The following PPP2R5A variants were observed in gnomAD, a reference collection of about 807,000 sequenced individuals.
PPP2R5A encodes the protein serine/threonine-protein phosphatase 2A 56 kDa regulatory subunit alpha isoform.
A neutral mutation model predicts 64.2 loss-of-function variants in PPP2R5A; 25 were observed. The ratio of observed to expected loss-of-function variants is 0.39; its 90% CI spans 0.28 to 0.54. PPP2R5A has a LOEUF of 0.54. PPP2R5A is among the 20% of genes least tolerant of loss of function. PPP2R5A has a pLI of 0.67. For synonymous variants in PPP2R5A, 198 were observed against 201.2 expected, an observed-to-expected ratio of 0.98 and a Z score of 0.13; for missense variants, 425 against 576.3, an observed-to-expected ratio of 0.74 and a Z score of 2.69.
At chr1:212,329,423 ATAAT>A (rs1214412071) in intron 2 of PPP2R5A, 92 bp downstream of exon 2, 2 of 1,113,566 alleles carry the variant, frequency 1.8e-6, no homozygotes, top group Non-Finnish European at 2.5e-6. Context: ...TAAATGTACA[ATAAT>A]TAATACATCC....
chr1:212,309,539 A>G lies in PPP2R5A; in HGVS notation c.182-19596A>G. The G allele has an allele frequency of 6.8e-6, 5 of 738,844 alleles. No homozygotes were observed. In the South Asian group the frequency reaches 7.2e-5, roughly 11 times the overall value. 45.8% of individuals were successfully genotyped at this position (738,844 alleles called of 1,614,324 possible). A position where few individuals can be genotyped will look rare whatever the true frequency, so the allele number is the denominator to read the frequency against. ...GCCATCTTGTGAAAAGCCCTTCTTT[A>G]CTTCTTTAATCATAGTTTAGTTCTT... On this transcript the variant is annotated intron_variant, in intron 1 of 12. Coordinates refer to ENST00000261461, the MANE Select transcript of PPP2R5A (RefSeq NM_006243.4).
chr1:212,349,236 A>AGTT lies in PPP2R5A; in HGVS notation c.922_923insTTG (p.Thr307_Glu308insVal). On this transcript the variant is annotated inframe_insertion, in exon 8 of 13. Transcript: ENST00000261461. ...TCCTGGAGAAAGATACAACACTAAC[A>AGTT]GAGCCAGTAAGTGTTCTATTTATTT... 1 of 1,568,344 alleles carries AGTT rather than the reference A, an allele frequency of 6.4e-7. No individual in the cohort carries two copies. The highest frequency in any genetic ancestry group is 8.7e-7 in the Non-Finnish European group (1 of 1,147,948).
intron 1 of PPP2R5A, among the ~76,000 whole-genome samples, chr1:212,328,259 A>C (rs1659441218): frequency 6.6e-6 from 1 of 152,228 alleles, no homozygotes; most frequent in Non-Finnish European, 1.5e-5. Context: ...CAGTACCATA[A>C]GGAAAGCTTC....
At chr1:212,291,120 T>A (rs1004416203) in intron 1 of PPP2R5A, among the ~76,000 whole-genome samples, 56 of 151,014 alleles carry the variant, frequency 3.7e-4, no homozygotes, top group Non-Finnish European at 5.9e-4. Context: ...TTTTATTTTA[T>A]TTTTTTTCAG....
intron 9 of PPP2R5A, 55 bp from the exon 10 acceptor site, chr1:212,356,895 A>C (rs771896299): frequency 3.4e-5 from 48 of 1,408,088 alleles, no homozygotes; most frequent in Non-Finnish European, 4.5e-5. Flanking sequence ...TATGGTTTCT[A>C]TATTAGTTTC....
At chr1:212,348,633 T>C (rs530565278) in intron 7 of PPP2R5A, 136 bp downstream of exon 7, 1 of 639,320 alleles carries the variant, frequency 1.6e-6, no homozygotes, top group African/African-American at 1.9e-5. Context: ...CCAAAGCAAA[T>C]TTTTCTTATT....
chr1:212,321,847 T>TG (rs1326176909), intron 1 of PPP2R5A, among the ~76,000 whole-genome samples: 1 of 147,972 alleles, frequency 6.8e-6, no homozygotes, highest in Admixed American at 6.7e-5. Flanking sequence ...AGCTGGGAGG[T>TG]GGAGGTTGTA....
In PPP2R5A at chr1:212,345,888, G is replaced by T. The variant is rs1659767649; in HGVS notation, c.659G>T (p.Gly220Val). Reference sequence around the variant, plus strand: ...CACCGAATTTATGGGAAATTTCTTGGATTAAGAGCATTCATCAGAAAACAA... The same window carrying T: ...CACCGAATTTATGGGAAATTTCTTGTATTAAGAGCATTCATCAGAAAACAA... ...VLHRIYGKFL[G>V]LRAFIRKQIN... Residue 220 changes from glycine (G) to valine (V), a missense_variant, in exon 5 of 13, where the codon GGA becomes GTA. By Grantham distance (109) the Gly-to-Val change is moderately radical. Around this residue, in one of 4 missense-constraint regions of PPP2R5A, gnomAD observed 140 missense variants for 204.4 expected, o/e 0.68. Transcript: ENST00000261461. 6.2e-7 allele frequency: 1 copy of T among 1,610,384 alleles called. No individual in the cohort carries two copies.
intron 1 of PPP2R5A, among the ~76,000 whole-genome samples, chr1:212,315,440 T>C (rs1248536512): frequency 1.3e-5 from 2 of 152,232 alleles, no homozygotes; most frequent in African/African-American, 4.8e-5. Context: ...CACAGAGTTA[T>C]AACACCCAAA....
Position 212,360,654 on chromosome 1 carries a change from T to C in PPP2R5A, c.1345T>C (p.Leu449=), listed in dbSNP as rs754006569. 12 of 1,570,532 alleles carry C rather than the reference T, an allele frequency of 7.6e-6. No individual in the cohort carries two copies. Among genetic ancestry groups the C allele is most frequent in the South Asian group, 1.2e-5 (1 of 84,232 alleles). The change falls in exon 13 of 13, where the codon TTG becomes CTG. Residue 449 remains leucine, a synonymous_variant. Transcript: ENST00000261461. ...AERQREKKKE[L]EREELWKKLE... ...TATCTACAGAGAGAAAAAGAAGGAATTGGAACGTGAAGAATTATGGAAAAA... is the reference window on the plus strand; with the variant it reads ...TATCTACAGAGAGAAAAAGAAGGAACTGGAACGTGAAGAATTATGGAAAAA...
chr1:212,309,198 G>A, intron 1 of PPP2R5A: 6 of 1,372,066 alleles, frequency 4.4e-6, no homozygotes, highest in Non-Finnish European at 6.2e-6. Context: ...GTTTAATCTG[G>A]TGCTTGTTGG....
intron 5 of PPP2R5A, 82 bp downstream of exon 5, chr1:212,346,015 T>G (rs894559835): frequency 1.2e-5 from 17 of 1,377,674 alleles, no homozygotes; most frequent in Non-Finnish European, 1.6e-5. Flanking sequence ...TTTATTTGTT[T>G]TTTTGAGACA....
At chr1:212,288,832 A>G (rs1658551000) in intron 1 of PPP2R5A, among the ~76,000 whole-genome samples, 1 of 150,102 alleles carries the variant, frequency 6.7e-6, no homozygotes, top group Non-Finnish European at 1.5e-5. Context: ...ATATCCATGG[A>G]CTCCAAGATC....
intron 1 of PPP2R5A, among the ~76,000 whole-genome samples, chr1:212,310,076 G>A (rs553615632): frequency 6.9e-4 from 105 of 152,260 alleles, no homozygotes; most frequent in South Asian, 1.2e-3. Flanking sequence ...GGATGACAGT[G>A]GTTTTGGCAG....
At chr1:212,324,002 G>A (rs1659362407) in intron 1 of PPP2R5A, among the ~76,000 whole-genome samples, 1 of 151,918 alleles carries the variant, frequency 6.6e-6, no homozygotes. Flanking sequence ...AACCTGGGAG[G>A]CGGAGTTTGC....
At chr1:212,300,924 C>T (rs1297258892) in intron 1 of PPP2R5A, among the ~76,000 whole-genome samples, 1 of 151,984 alleles carries the variant, frequency 6.6e-6, no homozygotes, top group Non-Finnish European at 1.5e-5. Flanking sequence ...TGGATTTCCC[C>T]ACCACCACCA....
chr1:212,321,330 A>G (rs1436905173), intron 1 of PPP2R5A, among the ~76,000 whole-genome samples: 15 of 117,918 alleles, frequency 1.3e-4, no homozygotes, highest in South Asian at 5.8e-4. Flanking sequence ...TGACCCCCCC[A>G]CCTCCCTTCC....
intron 7 of PPP2R5A, 22 bp downstream of exon 7, chr1:212,348,519 G>T: frequency 6.9e-7 from 1 of 1,448,614 alleles, no homozygotes; most frequent in Non-Finnish European, 9.6e-7. Flanking sequence ...AAACATTTCA[G>T]ATGAAATGAA....
In PPP2R5A at chr1:212,285,990, TG is replaced by T. The variant is rs1366240146; in HGVS notation, c.-117del. The T allele has an allele frequency of 9.4e-7, 1 of 1,069,366 alleles. No homozygotes were observed. The highest frequency in any genetic ancestry group is 1.2e-6 in the Non-Finnish European group (1 of 815,912). The allele number at this position is 1,069,366 out of a possible 1,614,324, so 66.2% of individuals were successfully genotyped here. A position where few individuals can be genotyped will look rare whatever the true frequency, so the allele number is the denominator to read the frequency against. ...GCGGCGTCCCGGGGCCGGAGGGCCG[TG>T]GGGCCGGGGCGCAGGGGCGCGAGCA... On this transcript the variant is annotated 5_prime_UTR_variant, in exon 1 of 13. Transcript: ENST00000261461.
Sources: gnomAD v4.1 joint callset for allele counts (sites outside exome capture counted in the v4.1 genomes callset) on GRCh38, gnomAD v4.1.1 for gene constraint, gnomAD v4.1.1 regional missense constraint, MANE v1.5 for transcripts, NCBI Gene and HGNC (gene_info 2026-07-23, HGNC 2026-07-21) for gene names.